The following DSCAM variants were observed in gnomAD, a reference collection of about 807,000 sequenced individuals.
DSCAM encodes the protein DS cell adhesion molecule.
In DSCAM, 47 loss-of-function variants were observed where a neutral mutation model predicts 217.7. That is an observed-to-expected ratio of 0.22 (90% CI 0.17 to 0.28). The LOEUF is 0.28. DSCAM is among the 10% of genes least tolerant of loss of function. The pLI is 1.00. For missense variants in DSCAM, 2,080 were observed against 2,618.3 expected (o/e 0.79, Z 4.49); for synonymous variants, 1,056 against 1,015.3 (o/e 1.04, Z -0.76).
intron 5 of DSCAM, among the ~76,000 whole-genome samples, chr21:40,352,942 G>A (rs1297631174): frequency 6.6e-6 from 1 of 152,172 alleles, no homozygotes; most frequent in African/African-American, 2.4e-5. Flanking sequence ...TGGAGTAGAT[G>A]ATCTATAATA....
At chr21:40,324,079 G>T (rs2074289258) in intron 8 of DSCAM, among the ~76,000 whole-genome samples, 1 of 128,158 alleles carries the variant, frequency 7.8e-6, no homozygotes, top group African/African-American at 3.1e-5. Context: ...CTCCAGCCTG[G>T]GCAACAAGAG....
At chr21:40,817,620 C>T (rs566897188) in intron 1 of DSCAM, among the ~76,000 whole-genome samples, 3 of 152,306 alleles carry the variant, frequency 2.0e-5, no homozygotes, top group Admixed American at 1.3e-4. Flanking sequence ...AATAATTAGG[C>T]CTGCTCCCCG....
intron 10 of DSCAM, among the ~76,000 whole-genome samples, chr21:40,294,697 T>A (rs899009602): frequency 6.6e-6 from 1 of 152,194 alleles, no homozygotes; most frequent in Non-Finnish European, 1.5e-5. Context: ...TCATGGAAAA[T>A]GTCCATAATA....
At chr21:40,674,260 G>C (rs56227722) in intron 3 of DSCAM, among the ~76,000 whole-genome samples, 52,776 of 152,100 alleles carry the variant, frequency 0.35, 10,588 homozygotes, top group Non-Finnish European at 0.45. Flanking sequence ...TGTGGTTCTA[G>C]TCTTTGGCCA....
intron 11 of DSCAM, among the ~76,000 whole-genome samples, chr21:40,260,262 G>C (rs573037806): frequency 1.3e-5 from 2 of 152,284 alleles, no homozygotes; most frequent in Admixed American, 1.3e-4. Context: ...GCCACAAAAA[G>C]TGGACATCTA....
At chr21:40,222,989 A>G (rs2091301421) in intron 11 of DSCAM, among the ~76,000 whole-genome samples, 1 of 152,168 alleles carries the variant, frequency 6.6e-6, no homozygotes, top group Non-Finnish European at 1.5e-5. Flanking sequence ...TAATCCCTGG[A>G]AATGTTCTTT....
chr21:40,451,158 A>G (rs2075715901), intron 3 of DSCAM, among the ~76,000 whole-genome samples: 1 of 152,160 alleles, frequency 6.6e-6, no homozygotes, highest in Non-Finnish European at 1.5e-5. Context: ...GCCCCACTGG[A>G]ATTTGGATCG....
chr21:40,139,879 G>A (rs1201877681), intron 18 of DSCAM, among the ~76,000 whole-genome samples: 1 of 150,648 alleles, frequency 6.6e-6, no homozygotes, highest in Non-Finnish European at 1.5e-5. Context: ...TGTGTTGTGT[G>A]TGCATGTGGG....
chr21:40,571,287 T>C (rs73366935), intron 3 of DSCAM, among the ~76,000 whole-genome samples: 5,756 of 152,158 alleles, frequency 0.038, 314 homozygotes, highest in African/African-American at 0.12. Flanking sequence ...AAATAAAAGC[T>C]ATAGAAGAGA....
intron 3 of DSCAM, among the ~76,000 whole-genome samples, chr21:40,512,665 C>T (rs1333153117): frequency 6.6e-6 from 1 of 151,906 alleles, no homozygotes; most frequent in Non-Finnish European, 1.5e-5. Context: ...TCGATTTGTA[C>T]CGTTGCTCAG....
At chr21:40,646,680 C>G (rs1244983125) in intron 3 of DSCAM, among the ~76,000 whole-genome samples, 1 of 152,178 alleles carries the variant, frequency 6.6e-6, no homozygotes, top group Non-Finnish European at 1.5e-5. Flanking sequence ...GAAAATGGAA[C>G]ACAAAATTAA....
At chr21:40,125,480 CTG>C (rs1164130167) in intron 19 of DSCAM, among the ~76,000 whole-genome samples, 7 of 152,302 alleles carry the variant, frequency 4.6e-5, no homozygotes, top group East Asian at 1.9e-4. Flanking sequence ...CTGGAGAAAT[CTG>C]TGAGTCTTTT....
chr21:40,751,434 G>A (rs76411100), intron 1 of DSCAM, among the ~76,000 whole-genome samples: 2,681 of 152,234 alleles, frequency 0.018, 37 homozygotes, highest in Non-Finnish European at 0.029. Context: ...ACCATGTGTG[G>A]CACTCAGTAT....
chr21:40,435,894 A>G (rs1281644074), intron 3 of DSCAM, among the ~76,000 whole-genome samples: 1 of 152,142 alleles, frequency 6.6e-6, no homozygotes, highest in Non-Finnish European at 1.5e-5. Flanking sequence ...GTGATATGAT[A>G]CCCTCTCATG....
At chr21:40,489,580 C>T (rs1291710123) in intron 3 of DSCAM, among the ~76,000 whole-genome samples, 1 of 151,634 alleles carries the variant, frequency 6.6e-6, no homozygotes, top group Admixed American at 6.6e-5. Flanking sequence ...CGAGACCATC[C>T]CGGCTAAAAC....
intron 1 of DSCAM, among the ~76,000 whole-genome samples, chr21:40,835,739 C>T (rs921728300): frequency 6.6e-6 from 1 of 152,116 alleles, no homozygotes; most frequent in Non-Finnish European, 1.5e-5. Flanking sequence ...TTAGGCCTCT[C>T]TCCAGCACAC....
At chr21:40,515,273 G>GA (rs557272764) in intron 3 of DSCAM, among the ~76,000 whole-genome samples, 3 of 151,948 alleles carry the variant, frequency 2.0e-5, no homozygotes, top group Admixed American at 1.3e-4. Context: ...TTATTGTTTT[G>GA]AAAAAAATAT....
intron 3 of DSCAM, among the ~76,000 whole-genome samples, chr21:40,394,351 C>A (rs1199748076): frequency 1.3e-5 from 2 of 152,240 alleles, no homozygotes; most frequent in Non-Finnish European, 2.9e-5. Context: ...CAAGGTCATA[C>A]AATCTAGGCT....
intron 3 of DSCAM, among the ~76,000 whole-genome samples, chr21:40,390,722 C>T (rs932395344): frequency 6.6e-6 from 1 of 152,106 alleles, no homozygotes; most frequent in African/African-American, 2.4e-5. Context: ...TTCACATGGC[C>T]ATGTTCTCTC....
Sources: gnomAD v4.1 joint callset for allele counts (sites outside exome capture counted in the v4.1 genomes callset) on GRCh38, gnomAD v4.1.1 for gene constraint, MANE v1.5 for transcripts, NCBI Gene and HGNC (gene_info 2026-07-23, HGNC 2026-07-21) for gene names.